Variants in MYO7A observed in about 807,000 individuals in gnomAD.
MYO7A encodes unconventional myosin-VIIa.
Under a neutral mutation model 263.8 loss-of-function variants are expected in MYO7A, and 210 were observed. The ratio of observed to expected loss-of-function variants is 0.80; its 90% confidence interval spans 0.71 to 0.89. The LOEUF (loss-of-function observed/expected upper bound fraction) is 0.89, where lower values mean the gene tolerates loss of function less well. MYO7A is among the 40% of genes least tolerant of loss of function. The pLI, the probability that MYO7A is intolerant of heterozygous loss-of-function variation, is 0.00. For missense variants in MYO7A, 2,820 were observed against 2,968.3 expected (o/e 0.95, Z 1.16); for synonymous variants, 1,239 against 1,197.3 (o/e 1.03, Z -0.72).
In MYO7A at chr11:77,194,455, C is replaced by G. The variant is rs548434591; in HGVS notation, c.4254C>G (p.Pro1418=). 2 of 1,610,654 alleles carry G rather than the reference C, an allele frequency of 1.2e-6. No individual in the cohort carries two copies. Among genetic ancestry groups the G allele is most frequent in the South Asian group, 2.2e-5 (2 of 90,100 alleles). ...TGAACCTCGTGCCCACCTACATCCC[C>G]GACCGCGAGATCACGCCCCTGAAGA... ...RLLNLVPTYI[P]DREITPLKTL... The change falls in exon 32 of 49, where the codon CCC becomes CCG. Residue 1418 remains proline (P), a synonymous_variant. Transcript: ENST00000409709.
chr11:77,207,654 C>T (rs560452002), intron 42 of MYO7A, among the ~76,000 whole-genome samples: 1 of 152,318 alleles, frequency 6.6e-6, no homozygotes, highest in South Asian at 2.1e-4. Context: ...CTAAAAACAC[C>T]AGACCCTCAC....
rs1358968083 is a variant in MYO7A at position 77,206,179 on chromosome 11, T to C, written c.5719T>C (p.Tyr1907His). 1 of 1,613,036 alleles carries C rather than the reference T, an allele frequency of 6.2e-7. No individual in the cohort carries two copies. Among genetic ancestry groups the C allele is most frequent in the Non-Finnish European group, 8.5e-7 (1 of 1,179,490 alleles). ...GACCACCCAGATTTTCCACAAAGTC[T>C]ACTTCCCTGATGACACTGACGAGGT... ...HKTTQIFHKV[Y>H]FPDDTDEAFE... Residue 1907 changes from tyrosine to histidine, a missense_variant, in exon 41 of 49, where the codon TAC becomes CAC. Coordinates refer to ENST00000409709, the MANE Select transcript of MYO7A (RefSeq NM_000260.4).
chr11:77,154,338 A>G (rs1185185465), intron 4 of MYO7A, among the ~76,000 whole-genome samples: 4 of 152,092 alleles, frequency 2.6e-5, no homozygotes, highest in Non-Finnish European at 2.9e-5. Flanking sequence ...GGGCTGAACT[A>G]TAGGGGATGA....
intron 46 of MYO7A, chr11:77,212,210 G>T: frequency 1.7e-6 from 1 of 576,092 alleles, no homozygotes; most frequent in East Asian, 3.9e-5. Flanking sequence ...CTGACACTGG[G>T]GAGCCCTCGC....
At chr11:77,180,987 C>T (rs551604329) in intron 22 of MYO7A, among the ~76,000 whole-genome samples, 1 of 152,310 alleles carries the variant, frequency 6.6e-6, no homozygotes, top group East Asian at 1.9e-4. Flanking sequence ...GTTAAATATA[C>T]TGCTAAGACT....
chr11:77,156,634 G>A, intron 5 of MYO7A, 26 bp from the exon 6 acceptor site: 1 of 1,611,676 alleles, frequency 6.2e-7, no homozygotes. Context: ...GGTTGTGACA[G>A]GTCCTGCCAC....
chr11:77,186,259 T>C lies in MYO7A; in HGVS notation c.3503+1544T>C, dbSNP rs182018047. On this transcript the variant is annotated intron_variant, in intron 27 of 48. Coordinates refer to ENST00000409709, the MANE Select transcript of MYO7A (RefSeq NM_000260.4). Reference sequence around the variant, plus strand: ...TTTAAGAGCCCCAGAATTTTTGGAATGGTCACTGAGCATTGGCTTCAATTG... The same window carrying C: ...TTTAAGAGCCCCAGAATTTTTGGAACGGTCACTGAGCATTGGCTTCAATTG... 3.4e-4 allele frequency among the ~76,000 whole-genome samples: 52 copies of C among 152,334 alleles called. 1 individual carries two copies. In the East Asian group the frequency reaches 8.9e-3, roughly 26 times the overall value.
chr11:77,152,906 A>G (rs575022972), intron 4 of MYO7A, among the ~76,000 whole-genome samples: 90 of 152,200 alleles, frequency 5.9e-4, no homozygotes, highest in African/African-American at 2.1e-3. Flanking sequence ...CTGAGATGGC[A>G]GGGGATGGAG....
chr11:77,184,174 T>C (rs1955480020), intron 26 of MYO7A, among the ~76,000 whole-genome samples: 1 of 151,858 alleles, frequency 6.6e-6, no homozygotes, highest in South Asian at 2.1e-4. Flanking sequence ...GACAGAGTGG[T>C]GGTGACTGGT....
chr11:77,157,130 C>A, intron 7 of MYO7A, 126 bp downstream of exon 7: 1 of 1,451,596 alleles, frequency 6.9e-7, no homozygotes, highest in Non-Finnish European at 9.4e-7. Flanking sequence ...GCCTGCTTCC[C>A]TCTGTGCTGG....
intron 8 of MYO7A, among the ~76,000 whole-genome samples, 164 bp from the exon 9 acceptor site, chr11:77,158,113 T>C (rs781934163): frequency 1.3e-5 from 2 of 152,136 alleles, no homozygotes; most frequent in Non-Finnish European, 2.9e-5. Flanking sequence ...CCTCCAGACT[T>C]TCTGGAGGAG....
Position 77,203,187 on chromosome 11 carries a change from C to A in MYO7A, c.5296C>A (p.Leu1766Ile). The A allele has an allele frequency of 6.4e-7, 1 of 1,552,772 alleles. No homozygotes were observed. The highest frequency in any genetic ancestry group is 8.7e-7 in the Non-Finnish European group (1 of 1,149,026). The stretch of plus-strand genomic sequence containing the variant: ...CAAGAAGCTCCTGGGCAGTGAGGAG[C>A]TCTCGCAGGAGGCCTGCCTGGCCTT... ...LLKKLLGSEE[L>I]SQEACLAFIA... is the part of the protein sequence containing the mutation. The change falls in exon 38 of 49, where the codon CTC becomes ATC. Residue 1766 changes from leucine to isoleucine, a missense_variant. By Grantham distance (5) the Leu-to-Ile change is conservative (BLOSUM62 2). Coordinates refer to ENST00000409709, the MANE Select transcript of MYO7A (RefSeq NM_000260.4).
intron 7 of MYO7A, 30 bp from the exon 8 acceptor site, chr11:77,157,248 CT>C (rs782516638): frequency 6.4e-7 from 1 of 1,556,154 alleles, no homozygotes; most frequent in Non-Finnish European, 8.8e-7. Context: ...CCCTCCTCCC[CT>C]GGCCCCCAGC....
intron 4 of MYO7A, among the ~76,000 whole-genome samples, chr11:77,153,566 G>C (rs984255946): frequency 6.6e-6 from 1 of 152,174 alleles, no homozygotes; most frequent in Non-Finnish European, 1.5e-5. Context: ...TGGACTTCCC[G>C]TGCCTTGCAC....
chr11:77,155,806 C>T lies in MYO7A; in HGVS notation c.286-101C>T, dbSNP rs782148225. The T allele has an allele frequency of 5.4e-5, 71 of 1,319,402 alleles. No homozygotes were observed. The East Asian group carries it at 1.1e-3, about 21-fold the overall frequency. The allele number at this position is 1,319,402 out of a possible 1,614,324, so 81.7% of individuals were successfully genotyped here. On this transcript the variant is annotated intron_variant, in intron 4 of 48. Coordinates refer to ENST00000409709, the MANE Select transcript of MYO7A (RefSeq NM_000260.4). ...CCCACATGACTCCAAAGCCAGGACT[C>T]TTCCCTCCAGGGTGCTGGAGCAGGG...
chr11:77,180,444 C>T lies in MYO7A; in HGVS notation c.2657C>T (p.Ala886Val), dbSNP rs782437303. ...EEEKLRKEMS[A>V]KKAKEEAERK... ...GAGAAGCTTCGGAAGGAGATGAGCG[C>T]CAAGAAGGCCAAGGAGGAGGCCGAG... Residue 886 changes from alanine (A) to valine (V), a missense_variant, in exon 22 of 49, where the codon GCC (alanine) becomes GTC (valine). Physicochemically the swap from Ala to Val is moderately conservative, Grantham distance 64. Coordinates refer to ENST00000409709, the MANE Select transcript of MYO7A (RefSeq NM_000260.4). The T allele has an allele frequency of 6.2e-7, 1 of 1,612,432 alleles. No individual in the cohort carries two copies. The highest frequency in any genetic ancestry group is 8.5e-7 in the Non-Finnish European group (1 of 1,179,794).
intron 9 of MYO7A, 44 bp from the exon 10 acceptor site, chr11:77,159,403 G>GGGCCCCCC: frequency 4.2e-6 from 3 of 711,716 alleles, no homozygotes; most frequent in Non-Finnish European, 5.0e-6. Flanking sequence ...TGCCCCTGTT[G>GGGCCCCCC]CCCACCCTCC....
At chr11:77,148,033 T>A in intron 4 of MYO7A, 83 bp downstream of exon 4, 1 of 1,230,906 alleles carries the variant, frequency 8.1e-7, no homozygotes, top group Non-Finnish European at 1.1e-6. Flanking sequence ...CCGACTTGCC[T>A]CCGGCCCCGC....
At chr11:77,191,809 G>T (rs944992303) in intron 30 of MYO7A, among the ~76,000 whole-genome samples, 1 of 152,210 alleles carries the variant, frequency 6.6e-6, no homozygotes, top group Non-Finnish European at 1.5e-5. Context: ...TTCCCAAAAA[G>T]CTTCCACTAG....
Sources: allele counts gnomAD v4.1 joint callset (sites outside exome capture counted in the v4.1 genomes callset), GRCh38; gene constraint gnomAD v4.1.1; transcripts MANE v1.5; gene names NCBI Gene and HGNC (gene_info 2026-07-23, HGNC 2026-07-21).